Variants in CAST observed in about 807,000 individuals in gnomAD.
CAST encodes MIR583 host.
In CAST, 76 loss-of-function variants were observed where a neutral mutation model predicts 119.6. The ratio of observed to expected loss-of-function variants is 0.64; its 90% CI spans 0.53 to 0.77. The LOEUF (loss-of-function observed/expected upper bound fraction) is 0.77, where lower values mean the gene tolerates loss of function less well. CAST is among the 30% of genes least tolerant of loss of function. The pLI is 0.00. For missense variants in CAST, 953 were observed against 946.5 expected, an observed-to-expected ratio of 1.01 and a Z score of -0.09; for synonymous variants, 319 against 331.6, an observed-to-expected ratio of 0.96 and a Z score of 0.41.
At chr5:96,296,334 T>A in the CAST span, among the ~76,000 whole-genome samples, 72 of 152,356 alleles carry the variant, frequency 4.7e-4, no homozygotes, top group Middle Eastern at 3.4e-3. Context: ...AATTGATGTC[T>A]GTTAAGTCCC....
the CAST span, chr5:96,416,064 C>A: frequency 6.2e-7 from 1 of 1,612,892 alleles, no homozygotes; most frequent in Admixed American, 1.7e-5. Flanking sequence ...CAACTCCAAC[C>A]CCGCATTTGT....
the CAST span, among the ~76,000 whole-genome samples, chr5:96,490,094 C>A: frequency 6.6e-6 from 1 of 152,202 alleles, no homozygotes; most frequent in South Asian, 2.1e-4. Context: ...CAACCACTGG[C>A]AAGGGCCATA....
chr5:96,343,956 C>G, the CAST span, among the ~76,000 whole-genome samples: 1 of 152,182 alleles, frequency 6.6e-6, no homozygotes, highest in Non-Finnish European at 1.5e-5. Flanking sequence ...GTTTATTCAT[C>G]GTAGGGTCTA....
At chr5:96,424,213 C>G in the CAST span, among the ~76,000 whole-genome samples, 1 of 152,268 alleles carries the variant, frequency 6.6e-6, no homozygotes, top group East Asian at 1.9e-4. Flanking sequence ...TAACCACAAT[C>G]AAAAGTGTCA....
intron 3 of CAST, among the ~76,000 whole-genome samples, chr5:96,719,282 T>A (rs1344923541): frequency 6.6e-6 from 1 of 152,128 alleles, no homozygotes; most frequent in African/African-American, 2.4e-5. Flanking sequence ...CACCTCAGCC[T>A]TCCAAGTAGC....
chr5:96,162,479 G>A, the CAST span, among the ~76,000 whole-genome samples: 2 of 152,096 alleles, frequency 1.3e-5, no homozygotes, highest in Non-Finnish European at 1.5e-5. Flanking sequence ...GTGCAGTGGG[G>A]TGATCTTGGC....
At chr5:96,349,377 C>T in the CAST span, among the ~76,000 whole-genome samples, 1 of 151,880 alleles carries the variant, frequency 6.6e-6, no homozygotes. Flanking sequence ...TCCTTGACCT[C>T]TCTGTGGCAT....
the CAST span, among the ~76,000 whole-genome samples, chr5:96,092,516 G>A: frequency 8.5e-5 from 13 of 152,174 alleles, 1 homozygote; most frequent in African/African-American, 2.2e-4. Flanking sequence ...TAGCTTCATC[G>A]TGTAGCTTCA....
At chr5:96,033,698 A>G in the CAST span, among the ~76,000 whole-genome samples, 1 of 152,152 alleles carries the variant, frequency 6.6e-6, no homozygotes, top group East Asian at 1.9e-4. Flanking sequence ...TGAAACTACT[A>G]GAAGAAAATA....
the CAST span, among the ~76,000 whole-genome samples, chr5:96,257,601 G>A: frequency 5.3e-5 from 8 of 152,150 alleles, no homozygotes; most frequent in Non-Finnish European, 1.2e-4. Flanking sequence ...GTAAATCCAG[G>A]GAAGACATTC....
chr5:96,108,900 A>G, the CAST span, among the ~76,000 whole-genome samples: 1 of 152,248 alleles, frequency 6.6e-6, no homozygotes, highest in East Asian at 1.9e-4. Context: ...GGACCCTCCA[A>G]GCCATGTGCG....
chr5:96,066,255 T>C, the CAST span, among the ~76,000 whole-genome samples: 1 of 152,164 alleles, frequency 6.6e-6, no homozygotes, highest in Admixed American at 6.6e-5. Context: ...AGGGCTTTGA[T>C]AGACAGCCTG....
chr5:96,691,596 TTAGAGCCAGGATTTTCAACC>T (rs1752736900), intron 2 of CAST, among the ~76,000 whole-genome samples: 1 of 152,192 alleles, frequency 6.6e-6, no homozygotes, highest in African/African-American at 2.4e-5. Flanking sequence ...GCCTCTCCCT[TTAGAGCCAGGATTTTCAACC>T]TGTGGGTCAC....
At chr5:96,600,413 A>G (rs1342741545) in intron 1 of CAST, among the ~76,000 whole-genome samples, 2 of 152,202 alleles carry the variant, frequency 1.3e-5, no homozygotes, top group Non-Finnish European at 2.9e-5. Context: ...TATATGGATG[A>G]CGATGGACCA....
the CAST span, among the ~76,000 whole-genome samples, chr5:96,151,071 G>A: frequency 6.6e-6 from 1 of 152,132 alleles, no homozygotes; most frequent in African/African-American, 2.4e-5. Flanking sequence ...AGCTGTGAGA[G>A]GGGAGGAATC....
chr5:96,452,493 G>C, the CAST span, among the ~76,000 whole-genome samples: 1 of 152,028 alleles, frequency 6.6e-6, no homozygotes, highest in Non-Finnish European at 1.5e-5. Context: ...GGCCTGTTGC[G>C]GGGTAGGAGG....
chr5:96,710,323 G>A (rs954201904), intron 3 of CAST, among the ~76,000 whole-genome samples: 11 of 152,080 alleles, frequency 7.2e-5, no homozygotes, highest in Admixed American at 1.3e-4. Context: ...GTAGAAAATG[G>A]TGGTCCTTTC....
At chr5:96,078,277 T>TC in the CAST span, among the ~76,000 whole-genome samples, 1 of 152,150 alleles carries the variant, frequency 6.6e-6, no homozygotes, top group South Asian at 2.1e-4. Context: ...AAACATTTAG[T>TC]TCTTAACACT....
intron 1 of CAST, among the ~76,000 whole-genome samples, chr5:96,557,951 G>A (rs1160661087): frequency 6.6e-6 from 1 of 152,136 alleles, no homozygotes; most frequent in African/African-American, 2.4e-5. Flanking sequence ...CCACATAGTT[G>A]GAAGTAAAGC....
Sources: allele counts gnomAD v4.1 joint callset (sites outside exome capture counted in the v4.1 genomes callset), GRCh38; gene constraint gnomAD v4.1.1; transcripts MANE v1.5; gene names NCBI Gene and HGNC (gene_info 2026-07-23, HGNC 2026-07-21).